GUCY2D: variants seen among roughly 807,000 people sequenced by gnomAD.
The protein encoded by GUCY2D is guanylate cyclase 2D, retinal, also known as retinal guanylyl cyclase 1.
GUCY2D carries 70 observed loss-of-function variants against 101.3 expected under a neutral mutation model. That is an observed-to-expected ratio of 0.69 (90% confidence interval 0.57 to 0.84). GUCY2D has a LOEUF of 0.84. Among genes scored for constraint, GUCY2D ranks in the 40% least tolerant of loss-of-function variants. The pLI, the probability that GUCY2D is intolerant of heterozygous loss-of-function variation, is 0.00. For missense variants in GUCY2D, 1,460 were observed against 1,542.5 expected (o/e 0.95, Z 0.90); for synonymous variants, 688 against 670.7 (o/e 1.03, Z -0.40).
intron 19 of GUCY2D, 150 bp downstream of exon 19, chr17:8,016,704 C>T (rs894441561): frequency 3.4e-6 from 2 of 591,314 alleles, no homozygotes; most frequent in African/African-American, 1.9e-5. Context: ...AGGGAAGCAG[C>T]CATTGCAGGA....
intron 8 of GUCY2D, among the ~76,000 whole-genome samples, chr17:8,010,088 A>G (rs1266646676): frequency 1.3e-5 from 2 of 151,914 alleles, no homozygotes; most frequent in African/African-American, 4.8e-5. Context: ...GTGCAATTGT[A>G]TGTTCATCTG....
chr17:8,016,791 C>T (rs1028419085), intron 19 of GUCY2D: 16 of 534,108 alleles, frequency 3.0e-5, no homozygotes, highest in Non-Finnish European at 4.0e-5. Flanking sequence ...TCTGTGGCCC[C>T]TCCCCTGGCC....
chr17:8,015,104 C>T lies in GUCY2D; in HGVS notation c.2769+53C>T. ...TGACCTTCAATTCAGCTTCACCAGC[C>T]TCCAGCCCAGCCCTTCCTGCGCAGC... On this transcript the variant is annotated intron_variant, in intron 14 of 19. Coordinates refer to ENST00000254854, the MANE Select transcript of GUCY2D (RefSeq NM_000180.4). 3.3e-6 allele frequency: 5 copies of T among 1,497,170 alleles called. No homozygotes were observed. In the South Asian group the frequency reaches 4.6e-5, roughly 14 times the overall value. 92.7% of individuals were successfully genotyped at this position (1,497,170 alleles called of 1,614,324 possible).
rs1280109141 is a variant in GUCY2D at position 8,014,493 on chromosome 17, G to A, written c.2413-108G>A. On this transcript the variant is annotated intron_variant, in intron 12 of 19. Coordinates refer to ENST00000254854, the MANE Select transcript of GUCY2D (RefSeq NM_000180.4). This position sits in a 1 kb window ranked among gnomAD's most constrained non-coding sequence, Gnocchi z 4.0. ...ATAGTAGATGAATGGTGGCAGCGGGGTTGGGGTTCAGAGTGAACAGCCCCA... is the reference window on the plus strand; with the variant it reads ...ATAGTAGATGAATGGTGGCAGCGGGATTGGGGTTCAGAGTGAACAGCCCCA... 3 of 1,022,118 alleles carry A rather than the reference G, an allele frequency of 2.9e-6. No individual in the cohort carries two copies. Among genetic ancestry groups the A allele is most frequent in the African/African-American group, 3.1e-5 (2 of 63,606 alleles). The allele number at this position is 1,022,118 out of a possible 1,614,324, so 63.3% of individuals were successfully genotyped here.
chr17:8,016,244 C>G lies in GUCY2D; in HGVS notation c.3178C>G (p.Arg1060Gly), dbSNP rs1479610648. Reference protein sequence around the residue: ...AEDTFWLVGRRGFNKPIPKPP... With the variant: ...AEDTFWLVGRGGFNKPIPKPP... ...GGACACTTTCTGGCTAGTGGGCAGA[C>G]GCGGCTTCAACAAGCCCATCCCCAA... The change falls in exon 18 of 20, where the codon CGC (arginine) becomes GGC (glycine). Residue 1060 changes from arginine to glycine, a missense_variant. Around this residue, in one of 3 missense-constraint regions of GUCY2D, gnomAD observed 215 missense variants for 227.9 expected, o/e 0.94. Coordinates refer to ENST00000254854, the MANE Select transcript of GUCY2D (RefSeq NM_000180.4). The G allele has an allele frequency of 6.3e-7, 1 of 1,589,176 alleles. No homozygotes were observed. The highest frequency in any genetic ancestry group is 8.6e-7 in the Non-Finnish European group (1 of 1,168,324).
intron 7 of GUCY2D, among the ~76,000 whole-genome samples, chr17:8,008,548 G>A (rs1284799624): frequency 6.6e-6 from 1 of 152,184 alleles, no homozygotes; most frequent in African/African-American, 2.4e-5. Context: ...AGAACAGATT[G>A]AGAGAGAGCT....
At position 8,004,152 on chromosome 17, in the gene GUCY2D, A is replaced by G; in HGVS notation, c.1022A>G (p.Gln341Arg). Residue 341 changes from glutamine (Q) to arginine (R), a missense_variant, in exon 3 of 20, where the codon CAG (glutamine) becomes CGG (arginine). By Grantham distance (43) the Gln-to-Arg change is conservative. Coordinates refer to ENST00000254854, the MANE Select transcript of GUCY2D (RefSeq NM_000180.4). ...RRELPSDLNL[Q>R]QVSPLFGTIY... ...GAGCTGCCCTCTGACCTCAATCTGC[A>G]GCAGGTAGACGGTCCCGGGAGGAGG... 1 of 1,590,570 alleles carries G rather than the reference A, an allele frequency of 6.3e-7. No homozygotes were observed. Among genetic ancestry groups the G allele is most frequent in the Non-Finnish European group, 8.5e-7 (1 of 1,173,280 alleles).
chr17:8,010,734 G>A (rs1003976133), intron 8 of GUCY2D, among the ~76,000 whole-genome samples: 19 of 151,044 alleles, frequency 1.3e-4, no homozygotes, highest in Non-Finnish European at 1.5e-4. Context: ...GCGTGAACCC[G>A]GGAGGCGGAG....
rs1598150232 is a variant in GUCY2D at position 8,014,125 on chromosome 17, A to G, written c.2412+97A>G. The G allele has an allele frequency of 7.8e-6, 9 of 1,154,814 alleles. No homozygotes were observed. Among genetic ancestry groups the G allele is most frequent in the Non-Finnish European group, 1.2e-5 (9 of 775,048 alleles). 71.5% of individuals were successfully genotyped at this position (1,154,814 alleles called of 1,614,324 possible). A position where few individuals can be genotyped will look rare whatever the true frequency, so the allele number is the denominator to read the frequency against. On this transcript the variant is annotated intron_variant, in intron 12 of 19. Transcript: ENST00000254854. The surrounding 1 kb of genome is among the most constrained non-coding windows in gnomAD (Gnocchi z 4.0). The stretch of plus-strand genomic sequence containing the variant: ...AGCTGCAGACAGGCAGGCTGGCAGG[A>G]CCTCTGGCCTTCCAGGCTACCTCCT...
In GUCY2D at chr17:8,013,390, GC is replaced by G. The variant is rs1975896498; in HGVS notation, c.2263+139del. Reference sequence around the variant, plus strand: ...GGAGGCCCCCTTAAAGCTGGCATCTGCAGGTCTGGGTGCAGAAAGCCGTGCA... The same window carrying G: ...GGAGGCCCCCTTAAAGCTGGCATCTGAGGTCTGGGTGCAGAAAGCCGTGCA... On this transcript the variant is annotated intron_variant, in intron 11 of 19. Transcript: ENST00000254854. The surrounding 1 kb of genome is among the most constrained non-coding windows in gnomAD (Gnocchi z 5.0). 2.9e-5 allele frequency: 26 copies of G among 890,372 alleles called. No homozygotes were observed. The highest frequency in any genetic ancestry group is 2.8e-4 in the South Asian group (20 of 70,186). The allele number at this position is 890,372 out of a possible 1,614,324, so 55.2% of individuals were successfully genotyped here.
intron 4 of GUCY2D, 63 bp from the exon 5 acceptor site, chr17:8,006,997 C>A: frequency 7.4e-7 from 1 of 1,345,966 alleles, no homozygotes; most frequent in Non-Finnish European, 1.1e-6. Flanking sequence ...TGGCATGCCT[C>A]CCTAGAGAAG....
chr17:8,015,686 C>G, intron 15 of GUCY2D, 57 bp from the exon 16 acceptor site: 1 of 1,362,222 alleles, frequency 7.3e-7, no homozygotes, highest in East Asian at 2.5e-5. Flanking sequence ...GAGGCCCTAC[C>G]TAGGTGCAGC....
chr17:8,014,667 T>C lies in GUCY2D; in HGVS notation c.2479T>C (p.Tyr827His). ...IDSMLRMLEQ[Y>H]SSNLEDLIRE... ...CTCGATGCTTCGGATGCTGGAGCAGTACTCTAGTAACCTGGAGGATCTGAT... is the reference window on the plus strand; with the variant it reads ...CTCGATGCTTCGGATGCTGGAGCAGCACTCTAGTAACCTGGAGGATCTGAT... Residue 827 changes from tyrosine to histidine, a missense_variant, in exon 13 of 20, where the codon TAC becomes CAC. By Grantham distance (83) the Tyr-to-His change is moderately conservative. This residue lies in a region of GUCY2D where 1,196 missense variants were observed against 1,229.6 expected (regional missense o/e 0.97). Coordinates refer to ENST00000254854, the MANE Select transcript of GUCY2D (RefSeq NM_000180.4). This position sits in a 1 kb window ranked among gnomAD's most constrained non-coding sequence, Gnocchi z 4.0. 6.2e-7 allele frequency: 1 copy of C among 1,613,884 alleles called. No homozygotes were observed.
At chr17:8,008,303 G>C (rs1426489102) in intron 7 of GUCY2D, among the ~76,000 whole-genome samples, 1 of 152,170 alleles carries the variant, frequency 6.6e-6, no homozygotes, top group Non-Finnish European at 1.5e-5. Context: ...CCAGAGACTG[G>C]AGGCTGGAGC....
At position 8,009,919 on chromosome 17, in the gene GUCY2D, C is replaced by T. The variant is rs574248181; in HGVS notation, c.1749+333C>T. On this transcript the variant is annotated intron_variant, in intron 8 of 19. Coordinates refer to ENST00000254854, the MANE Select transcript of GUCY2D (RefSeq NM_000180.4). ...TTTGAGCCTGGGAGTTGGAGGTTAC[C>T]GTGGGCTGTGATCATACTACTGCAC... Among the ~76,000 whole-genome samples the T allele has an allele frequency of 7.2e-5, 11 of 151,820 alleles. No homozygotes were observed. In the South Asian group the frequency reaches 1.9e-3, roughly 26 times the overall value.
rs564839085 is a variant in GUCY2D, at chr17:8,015,672, C to A, written c.2945-71C>A. 3,597 of 1,268,340 alleles carry A rather than the reference C, an allele frequency of 2.8e-3. 10 individuals are homozygous for A. Among genetic ancestry groups the A allele is most frequent in the Non-Finnish European group, 3.6e-3 (3,197 of 894,692 alleles). The allele number at this position is 1,268,340 out of a possible 1,614,324, so 78.6% of individuals were successfully genotyped here. A position where few individuals can be genotyped will look rare whatever the true frequency, so the allele number is the denominator to read the frequency against. Reference sequence around the variant, plus strand: ...GGTGGAGATAATGGGTGCGAAGATCCCCCGAGGCCCTACCTAGGTGCAGCC... The same window carrying A: ...GGTGGAGATAATGGGTGCGAAGATCACCCGAGGCCCTACCTAGGTGCAGCC... On this transcript the variant is annotated intron_variant, in intron 15 of 19. Transcript: ENST00000254854.
Position 8,013,565 on chromosome 17 carries a change from G to C in GUCY2D, c.2263+313G>C. The C allele has an allele frequency of 1.7e-6, 1 of 574,478 alleles. No homozygotes were observed. Among genetic ancestry groups the C allele is most frequent in the Non-Finnish European group, 3.1e-6 (1 of 320,978 alleles). The allele number at this position is 574,478 out of a possible 1,614,324, so 35.6% of individuals were successfully genotyped here. A position where few individuals can be genotyped will look rare whatever the true frequency, so the allele number is the denominator to read the frequency against. On this transcript the variant is annotated intron_variant, in intron 11 of 19. Transcript: ENST00000254854. This position sits in a 1 kb window ranked among gnomAD's most constrained non-coding sequence, Gnocchi z 5.0. ...TGGGAGGAGCAGGGGAGGGGGAGTG[G>C]GTGCATCCCTTCTGCACAGGACTCT... is the stretch of plus-strand genomic sequence containing the variant.
At chr17:8,006,320 G>A (rs1395248558) in intron 3 of GUCY2D, 43 bp from the exon 4 acceptor site, 2 of 1,462,906 alleles carry the variant, frequency 1.4e-6, no homozygotes, top group East Asian at 2.3e-5. Flanking sequence ...GTCTGTCTGT[G>A]GGCTGTGACC....
rs1975859482 is a variant in GUCY2D, at chr17:8,012,011, TATC to T, written c.1750-131_1750-129del. On this transcript the variant is annotated intron_variant, in intron 8 of 19. Coordinates refer to ENST00000254854, the MANE Select transcript of GUCY2D (RefSeq NM_000180.4). ...TAGAAGAGAGCCCCCGTACATACCT[TATC>T]AACCATTTCATCCACCATTTGTAAA... 5.5e-5 allele frequency: 39 copies of T among 715,118 alleles called. No individual in the cohort carries two copies. The South Asian group carries it at 6.1e-4, about 11-fold the overall frequency. 44.3% of individuals were successfully genotyped at this position (715,118 alleles called of 1,614,324 possible).
Sources: allele counts gnomAD v4.1 joint callset (sites outside exome capture counted in the v4.1 genomes callset), GRCh38; gene constraint gnomAD v4.1.1; regional missense constraint gnomAD v4.1.1; non-coding constraint Gnocchi (gnomAD v3.1); transcripts MANE v1.5; gene names NCBI Gene and HGNC (gene_info 2026-07-23, HGNC 2026-07-21).